The following NRXN3 variants were observed in gnomAD, a reference collection of about 807,000 sequenced individuals.
NRXN3 encodes the protein neurexin 3.
A neutral mutation model predicts 137.6 loss-of-function variants in NRXN3; 32 were observed. The observed-to-expected ratio is 0.23, with a 90% CI of 0.18 to 0.31. The LOEUF (loss-of-function observed/expected upper bound fraction) is 0.31, where lower values mean the gene tolerates loss of function less well. Among genes scored for constraint, NRXN3 ranks in the 10% least tolerant of loss-of-function variants. The probability of loss-of-function intolerance (pLI) is 1.00; values close to 1 mark genes in which losing one functional copy is unlikely to be tolerated. For missense variants in NRXN3, 1,574 were observed against 2,062.5 expected, an observed-to-expected ratio of 0.76 and a Z score of 4.59; for synonymous variants, 798 against 784.5, an observed-to-expected ratio of 1.02 and a Z score of -0.29.
chr14:79,142,922 G>T (rs1391758174), intron 15 of NRXN3, among the ~76,000 whole-genome samples: 1 of 152,110 alleles, frequency 6.6e-6, no homozygotes, highest in East Asian at 1.9e-4. Flanking sequence ...GGATAGATGG[G>T]TTGATAACTG....
At chr14:78,189,124 C>A (rs1007153206) in intron 1 of NRXN3, among the ~76,000 whole-genome samples, 1 of 152,106 alleles carries the variant, frequency 6.6e-6, no homozygotes, top group Non-Finnish European at 1.5e-5. Flanking sequence ...TCTCACATCC[C>A]ACATCCAATC....
chr14:79,422,771 C>A (rs1374675562), intron 15 of NRXN3, among the ~76,000 whole-genome samples: 1 of 148,716 alleles, frequency 6.7e-6, no homozygotes, highest in Non-Finnish European at 1.5e-5. Flanking sequence ...ACAATCTCGG[C>A]TCACTGCAAC....
intron 15 of NRXN3, among the ~76,000 whole-genome samples, chr14:79,299,533 CCTAGT>C (rs2084783844): frequency 6.6e-6 from 1 of 152,082 alleles, no homozygotes; most frequent in Admixed American, 6.6e-5. Flanking sequence ...AACAAGACCA[CCTAGT>C]CTGCAGACCC....
intron 15 of NRXN3, among the ~76,000 whole-genome samples, chr14:79,208,723 A>G (rs1045439752): frequency 3.9e-5 from 6 of 152,166 alleles, no homozygotes; most frequent in Admixed American, 2.6e-4. Flanking sequence ...TTCAATTTCT[A>G]TTATGACAAA....
intron 15 of NRXN3, among the ~76,000 whole-genome samples, chr14:79,419,809 G>A (rs899307720): frequency 1.3e-5 from 2 of 152,144 alleles, no homozygotes; most frequent in Non-Finnish European, 2.9e-5. Flanking sequence ...CATAATGCAA[G>A]TAAACAACTC....
At chr14:78,717,780 G>C (rs1035457070) in intron 8 of NRXN3, among the ~76,000 whole-genome samples, 1 of 152,146 alleles carries the variant, frequency 6.6e-6, no homozygotes. Context: ...AACTTGACAC[G>C]GCCTTTACTT....
intron 4 of NRXN3, among the ~76,000 whole-genome samples, chr14:78,316,326 T>G (rs1382149767): frequency 1.3e-5 from 2 of 152,100 alleles, no homozygotes; most frequent in African/African-American, 4.8e-5. Flanking sequence ...GTGGACAATT[T>G]GCTTCTGATA....
intron 16 of NRXN3, among the ~76,000 whole-genome samples, chr14:79,657,154 A>G (rs1373563832): frequency 3.9e-5 from 6 of 152,196 alleles, no homozygotes; most frequent in Non-Finnish European, 8.8e-5. Context: ...ATTTAACACA[A>G]GTATTACTGT....
chr14:78,970,141 C>G (rs940035559), intron 14 of NRXN3, among the ~76,000 whole-genome samples: 1 of 152,034 alleles, frequency 6.6e-6, no homozygotes, highest in African/African-American at 2.4e-5. Context: ...AGATACTGGT[C>G]AAATGTTACA....
intron 4 of NRXN3, among the ~76,000 whole-genome samples, chr14:78,475,175 C>T (rs552425327): frequency 3.3e-5 from 5 of 152,242 alleles, no homozygotes; most frequent in African/African-American, 9.6e-5. Context: ...ATGAGGGGTA[C>T]AGGGAGACTG....
At chr14:79,379,900 C>A in intron 15 of NRXN3, among the ~76,000 whole-genome samples, 1 of 151,808 alleles carries the variant, frequency 6.6e-6, no homozygotes, top group African/African-American at 2.4e-5. Context: ...CCTTCTGAAC[C>A]AGTAGTAACA....
intron 8 of NRXN3, among the ~76,000 whole-genome samples, chr14:78,750,526 A>G (rs934107720): frequency 6.6e-6 from 1 of 152,214 alleles, no homozygotes; most frequent in Non-Finnish European, 1.5e-5. Flanking sequence ...TTAAGGCTAC[A>G]ATAAGGCAAT....
intron 16 of NRXN3, among the ~76,000 whole-genome samples, chr14:79,565,336 T>TAC (rs745937579): frequency 5.5e-5 from 6 of 108,694 alleles, no homozygotes; most frequent in Non-Finnish European, 9.6e-5. Flanking sequence ...TATATATATA[T>TAC]ACATATGTGT....
At chr14:78,985,235 G>A (rs887503600) in intron 14 of NRXN3, among the ~76,000 whole-genome samples, 3 of 152,084 alleles carry the variant, frequency 2.0e-5, no homozygotes, top group African/African-American at 7.2e-5. Flanking sequence ...ACATTTACTG[G>A]AACACTTTCT....
rs182422743 is a variant in NRXN3, at chr14:78,935,771, T to C, written c.2276-21471T>C. ...CTGTTTCTTTCTCAAACCCAGCTCT[T>C]CTTTTCTTTGTTTCATCTAAATTAA... is the stretch of plus-strand genomic sequence containing the variant. On this transcript the variant is annotated intron_variant, in intron 10 of 20. Coordinates refer to ENST00000335750, the MANE Select transcript of NRXN3 (RefSeq NM_001330195.2). 6.6e-4 allele frequency among the ~76,000 whole-genome samples: 100 copies of C among 152,284 alleles called. 3 individuals carry two copies. Among genetic ancestry groups the C allele is most frequent in the Non-Finnish European group, 4.4e-5 (3 of 68,032 alleles).
intron 6 of NRXN3, among the ~76,000 whole-genome samples, chr14:78,664,756 A>C (rs1028694310): frequency 6.6e-6 from 1 of 152,232 alleles, no homozygotes; most frequent in African/African-American, 2.4e-5. Flanking sequence ...CACTGTGTTC[A>C]TATGTTTCCT....
At chr14:78,566,590 C>T (rs2096838429) in intron 4 of NRXN3, among the ~76,000 whole-genome samples, 1 of 152,200 alleles carries the variant, frequency 6.6e-6, no homozygotes, top group South Asian at 2.1e-4. Flanking sequence ...GAGCCAGACC[C>T]TACCAGGGTG....
chr14:78,694,960 A>T (rs148764521), intron 6 of NRXN3, among the ~76,000 whole-genome samples: 1,832 of 152,090 alleles, frequency 0.012, 40 homozygotes, highest in South Asian at 0.021. Flanking sequence ...GTAGCTTAAA[A>T]ATAGTAATTT....
Position 78,750,510 on chromosome 14 carries a change from ATAT to A in NRXN3, c.2044+35377_2044+35379del, listed in dbSNP as rs140617168. On this transcript the variant is annotated intron_variant, in intron 8 of 20. Coordinates refer to ENST00000335750, the MANE Select transcript of NRXN3 (RefSeq NM_001330195.2). ...GTTTAAAGGATAGTATGCTGACAAG[ATAT>A]TATTAAGGCTACAATAAGGCAATTG... Among the ~76,000 whole-genome samples the A allele has an allele frequency of 2.1e-3, 320 of 152,288 alleles. 2 individuals carry two copies. Among genetic ancestry groups the A allele is most frequent in the African/African-American group, 6.8e-3 (283 of 41,544 alleles).
Sources: gnomAD v4.1 joint callset for allele counts (sites outside exome capture counted in the v4.1 genomes callset) on GRCh38, gnomAD v4.1.1 for gene constraint, MANE v1.5 for transcripts, NCBI Gene and HGNC (gene_info 2026-07-23, HGNC 2026-07-21) for gene names.